The following RHBDD1 variants were observed in gnomAD, a reference collection of about 807,000 sequenced individuals.
The protein encoded by RHBDD1 is rhomboid domain containing 1, also known as rhomboid-related protein 4.
RHBDD1 carries 38 observed loss-of-function variants against 36.3 expected under a neutral mutation model. That is an observed-to-expected ratio of 1.05 (90% CI 0.81 to 1.37). The LOEUF is 1.37. RHBDD1 is among the 40% of genes most tolerant of loss of function. RHBDD1 has a pLI of 0.00. For missense variants in RHBDD1, 393 were observed against 377.6 expected (o/e 1.04, Z -0.34); for synonymous variants, 151 against 136.5 (o/e 1.11, Z -0.74).
Position 226,867,332 on chromosome 2 carries a change from T to C in RHBDD1, c.566+14T>C, listed in dbSNP as rs1377951712. ...ATTCTCACCAGGGTAAGTGTTTTCT[T>C]TTGGGGAATACAGTTGAAGGACCTG... On this transcript the variant is annotated intron_variant, in intron 5 of 8. Transcript: ENST00000392062. The C allele has an allele frequency of 1.2e-6, 2 of 1,605,710 alleles. No homozygotes were observed. Among genetic ancestry groups the C allele is most frequent in the Non-Finnish European group, 1.7e-6 (2 of 1,177,952 alleles).
chr2:226,808,097 A>G, the RHBDD1 span, among the ~76,000 whole-genome samples: 3,711 of 152,284 alleles, frequency 0.024, 155 homozygotes, highest in African/African-American at 0.084. Flanking sequence ...AGCAGACCTC[A>G]TAAAAGGCTA....
chr2:226,926,029 G>C (rs998562161), intron 8 of RHBDD1, among the ~76,000 whole-genome samples: 1 of 152,072 alleles, frequency 6.6e-6, no homozygotes, highest in Admixed American at 6.6e-5. Flanking sequence ...CCCTCTGACA[G>C]GTTGGAGACA....
In RHBDD1 at chr2:226,998,625, C is replaced by T. The variant is rs555683431; in HGVS notation, c.*3103C>T. Reference sequence around the variant, plus strand: ...TAGTATTTTATTTTAGAATCACAGACTCTCAGCTTAGAGAGTCACAGTATC... The same window carrying T: ...TAGTATTTTATTTTAGAATCACAGATTCTCAGCTTAGAGAGTCACAGTATC... On this transcript the variant is annotated 3_prime_UTR_variant, in exon 9 of 9. Coordinates refer to ENST00000392062, the MANE Select transcript of RHBDD1 (RefSeq NM_001167608.3). 1.3e-5 allele frequency: 2 copies of T among 152,142 alleles called. No homozygotes were observed. The highest frequency in any genetic ancestry group is 3.9e-4 in the East Asian group (2 of 5,172). The allele number at this position is 152,142 out of a possible 1,614,324, so 9.4% of individuals were successfully genotyped here.
At chr2:226,805,351 T>C in the RHBDD1 span, among the ~76,000 whole-genome samples, 3 of 152,342 alleles carry the variant, frequency 2.0e-5, no homozygotes, top group South Asian at 6.2e-4. Flanking sequence ...TAGCTGGGAT[T>C]ACAGGCATGC....
Position 226,959,793 on chromosome 2 carries a change from G to C in RHBDD1, c.857-35638G>C, listed in dbSNP as rs189832800. On this transcript the variant is annotated intron_variant, in intron 8 of 8. Coordinates refer to ENST00000392062, the MANE Select transcript of RHBDD1 (RefSeq NM_001167608.3). Reference sequence around the variant, plus strand: ...AGGAGTGGAATTGTTGGGTCATGTGGAAAGTGTATGTTTACTTTTTTTTTG... The same window carrying C: ...AGGAGTGGAATTGTTGGGTCATGTGCAAAGTGTATGTTTACTTTTTTTTTG... 2.0e-4 allele frequency among the ~76,000 whole-genome samples: 31 copies of C among 152,200 alleles called. 1 individual carries two copies. The East Asian group carries it at 5.2e-3, about 26-fold the overall frequency.
chr2:226,833,630 G>A (rs1940797322), upstream of RHBDD1, among the ~76,000 whole-genome samples: 1 of 152,112 alleles, frequency 6.6e-6, no homozygotes, highest in African/African-American at 2.4e-5. Context: ...AATGTGCATA[G>A]TGCTGCCTCG....
chr2:226,989,597 T>C (rs527302192), intron 8 of RHBDD1, among the ~76,000 whole-genome samples: 3 of 152,364 alleles, frequency 2.0e-5, no homozygotes, highest in African/African-American at 7.2e-5. Flanking sequence ...TTTGTCTCTT[T>C]GACTTTTCTT....
intron 8 of RHBDD1, among the ~76,000 whole-genome samples, chr2:226,940,075 A>G (rs555648200): frequency 1.3e-5 from 2 of 152,230 alleles, no homozygotes; most frequent in South Asian, 4.2e-4. Context: ...TGGAAGACTA[A>G]AGCTGGACCC....
At chr2:226,855,623 A>T (rs1307846205) in intron 3 of RHBDD1, among the ~76,000 whole-genome samples, 2 of 152,256 alleles carry the variant, frequency 1.3e-5, no homozygotes, top group Non-Finnish European at 2.9e-5. Context: ...TAATATGGTT[A>T]TAACAATAAA....
intron 8 of RHBDD1, among the ~76,000 whole-genome samples, chr2:226,984,488 C>G (rs972955265): frequency 1.3e-5 from 2 of 152,128 alleles, no homozygotes; most frequent in Admixed American, 1.3e-4. Context: ...CTCATGTAAA[C>G]CTAATTACCT....
chr2:226,864,784 A>C lies in RHBDD1; in HGVS notation c.91A>C (p.Thr31Pro), dbSNP rs1574859696. Residue 31 changes from threonine to proline, a missense_variant, in exon 4 of 9, where the codon ACC (threonine) becomes CCC (proline). Coordinates refer to ENST00000392062, the MANE Select transcript of RHBDD1 (RefSeq NM_001167608.3). Reference sequence around the variant, plus strand: ...TGGGATCAACAATATTCCACCTGTCACCCTAGCAACTTTGGCCCTCAACAT... The same window carrying C: ...TGGGATCAACAATATTCCACCTGTCCCCCTAGCAACTTTGGCCCTCAACAT... ...HVGINNIPPVTLATLALNIWF... is the reference protein window; with the variant it reads ...HVGINNIPPVPLATLALNIWF... 1 of 1,614,080 alleles carries C rather than the reference A, an allele frequency of 6.2e-7. No homozygotes were observed. The highest frequency in any genetic ancestry group is 8.5e-7 in the Non-Finnish European group (1 of 1,180,014).
chr2:226,838,820 A>G (rs1249145578), intron 2 of RHBDD1, among the ~76,000 whole-genome samples: 2 of 152,214 alleles, frequency 1.3e-5, no homozygotes, highest in Admixed American at 1.3e-4. Context: ...ACGTGAAAAA[A>G]CACCATCTTC....
the RHBDD1 span, among the ~76,000 whole-genome samples, chr2:226,814,270 T>C: frequency 6.6e-6 from 1 of 151,484 alleles, no homozygotes; most frequent in South Asian, 2.1e-4. Context: ...AAGAAGAGAG[T>C]ATGAGCTTTT....
chr2:226,908,451 T>G, intron 6 of RHBDD1: 1 of 199,472 alleles, frequency 5.0e-6, no homozygotes, highest in South Asian at 1.1e-4. Context: ...CCTAACACCT[T>G]CTTTGAGGAA....
In RHBDD1 at chr2:226,851,174, C is replaced by T. The variant is rs556145159; in HGVS notation, c.-91+11547C>T. Among the ~76,000 whole-genome samples the T allele has an allele frequency of 2.9e-3, 437 of 152,108 alleles. 2 individuals carry two copies. Among genetic ancestry groups the T allele is most frequent in the African/African-American group, 1.0e-2 (413 of 41,474 alleles). On this transcript the variant is annotated intron_variant, in intron 3 of 8. Transcript: ENST00000392062. ...ATTCAGCCTCTTCCAGTAAGGAAGACGCTAAACTTTTTTCCATCAAGGAGA... is the reference window on the plus strand; with the variant it reads ...ATTCAGCCTCTTCCAGTAAGGAAGATGCTAAACTTTTTTCCATCAAGGAGA...
At chr2:226,817,276 T>G in the RHBDD1 span, among the ~76,000 whole-genome samples, 3 of 152,246 alleles carry the variant, frequency 2.0e-5, no homozygotes, top group Non-Finnish European at 4.4e-5. Context: ...AGCTAAAAGT[T>G]AGTCCAGTTA....
At chr2:226,883,810 A>G (rs555956552) in intron 5 of RHBDD1, among the ~76,000 whole-genome samples, 4 of 152,242 alleles carry the variant, frequency 2.6e-5, no homozygotes, top group Non-Finnish European at 4.4e-5. Flanking sequence ...GTGATAATCA[A>G]TAAATGGATC....
At chr2:226,879,085 A>C (rs1055516684) in intron 5 of RHBDD1, among the ~76,000 whole-genome samples, 4 of 152,016 alleles carry the variant, frequency 2.6e-5, no homozygotes, top group Non-Finnish European at 4.4e-5. Context: ...AAAAAAAAAA[A>C]AAAAACAGAC....
chr2:226,876,001 C>T (rs1945206942), intron 5 of RHBDD1, among the ~76,000 whole-genome samples: 1 of 152,178 alleles, frequency 6.6e-6, no homozygotes, highest in African/African-American at 2.4e-5. Context: ...CAATAGCACC[C>T]TTTTGTTTTA....
Sources: allele counts gnomAD v4.1 joint callset (sites outside exome capture counted in the v4.1 genomes callset), GRCh38; gene constraint gnomAD v4.1.1; transcripts MANE v1.5; gene names NCBI Gene and HGNC (gene_info 2026-07-23, HGNC 2026-07-21).